MYO5B: variants seen among roughly 807,000 people sequenced by gnomAD.
The protein encoded by MYO5B is unconventional myosin-Vb.
A neutral mutation model predicts 229.3 loss-of-function variants in MYO5B; 143 were observed. That is an observed-to-expected ratio of 0.62 (90% CI 0.54 to 0.72). The LOEUF is 0.72. Among genes scored for constraint, MYO5B ranks in the 30% least tolerant of loss-of-function variants. The pLI is 0.00. For missense variants in MYO5B, 2,321 were observed against 2,331.0 expected, an observed-to-expected ratio of 1.00 and a Z score of 0.09; for synonymous variants, 918 against 885.2, an observed-to-expected ratio of 1.04 and a Z score of -0.66.
intron 17 of MYO5B, among the ~76,000 whole-genome samples, chr18:49,913,717 G>A (rs1385051223): frequency 6.6e-6 from 1 of 152,084 alleles, no homozygotes; most frequent in African/African-American, 2.4e-5. Flanking sequence ...GGGCATTCCT[G>A]TTTTTGCAAC....
intron 4 of MYO5B, among the ~76,000 whole-genome samples, chr18:50,002,619 A>G (rs1401998593): frequency 1.3e-5 from 2 of 152,170 alleles, no homozygotes; most frequent in African/African-American, 4.8e-5. Flanking sequence ...CAGTTTCGGG[A>G]AACGGTTTGT....
At chr18:49,896,458 G>A (rs1168326591) in intron 21 of MYO5B, among the ~76,000 whole-genome samples, 1 of 152,176 alleles carries the variant, frequency 6.6e-6, no homozygotes, top group African/African-American at 2.4e-5. Context: ...GGAGGCTGAG[G>A]GTCTCTGCAC....
At chr18:49,877,473 C>T (rs1158347197) in intron 25 of MYO5B, among the ~76,000 whole-genome samples, 1 of 151,380 alleles carries the variant, frequency 6.6e-6, no homozygotes, top group Non-Finnish European at 1.5e-5. Flanking sequence ...TTTCACCTCT[C>T]TGCATCAGCT....
At chr18:50,194,003 G>A (rs1208518037) in intron 1 of MYO5B, among the ~76,000 whole-genome samples, 1 of 152,170 alleles carries the variant, frequency 6.6e-6, no homozygotes, top group Non-Finnish European at 1.5e-5. Flanking sequence ...AAGGCATCCT[G>A]AAACTCACAC....
At chr18:49,878,594 G>T (rs2024552484) in intron 24 of MYO5B, among the ~76,000 whole-genome samples, 1 of 152,072 alleles carries the variant, frequency 6.6e-6, no homozygotes, top group Non-Finnish European at 1.5e-5. Flanking sequence ...GCCCTTGTGG[G>T]TCTCTCTGCC....
At chr18:50,182,058 G>A (rs1473535986) in intron 1 of MYO5B, among the ~76,000 whole-genome samples, 1 of 152,192 alleles carries the variant, frequency 6.6e-6, no homozygotes, top group African/African-American at 2.4e-5. Flanking sequence ...TTTTGCCAGG[G>A]TGGGCTCTTT....
chr18:50,178,773 G>C (rs557651314), intron 1 of MYO5B, among the ~76,000 whole-genome samples: 17 of 152,276 alleles, frequency 1.1e-4, no homozygotes, highest in African/African-American at 4.1e-4. Flanking sequence ...AATTCAGATG[G>C]ACATCTTCGC....
Position 49,839,074 on chromosome 18 carries a change from G to A in MYO5B, c.4852+70C>T, listed in dbSNP as rs183559995. The A allele has an allele frequency of 8.8e-3, 14,050 of 1,591,628 alleles. 86 individuals carry two copies. Among genetic ancestry groups the A allele is most frequent in the Non-Finnish European group, 0.011 (13,273 of 1,164,114 alleles). On this transcript the variant is annotated intron_variant, in intron 36 of 39. Transcript: ENST00000285039. ...ATATCTGGTTCCCGAAAGGCAGAGGGTGCTGACCACGCCTTCCCCTCATTT... is the reference window on the plus strand; with the variant it reads ...ATATCTGGTTCCCGAAAGGCAGAGGATGCTGACCACGCCTTCCCCTCATTT...
At position 50,149,372 on chromosome 18, in the gene MYO5B, G is replaced by A. The variant is rs112472591; in HGVS notation, c.27+45395C>T. Among the ~76,000 whole-genome samples the A allele has an allele frequency of 4.3e-4, 65 of 149,516 alleles. 1 individual carries two copies. The East Asian group carries it at 0.011, about 25-fold the overall frequency. On this transcript the variant is annotated intron_variant, in intron 1 of 39. Transcript: ENST00000285039. The stretch of plus-strand genomic sequence containing the variant: ...ATGGAACCAAAAAAGAGCCCACATC[G>A]CCAAGTCAATCCTAAGCCAAAAGAA...
chr18:50,087,237 G>C (rs771784009), intron 1 of MYO5B, among the ~76,000 whole-genome samples: 4 of 152,138 alleles, frequency 2.6e-5, no homozygotes, highest in Non-Finnish European at 5.9e-5. Flanking sequence ...CATCTGCTCT[G>C]AGGATTCTAC....
chr18:49,881,266 A>G (rs1358050252), intron 22 of MYO5B, among the ~76,000 whole-genome samples: 1 of 152,180 alleles, frequency 6.6e-6, no homozygotes, highest in African/African-American at 2.4e-5. Flanking sequence ...CCAAAATCTC[A>G]CAATGAACAA....
intron 19 of MYO5B, among the ~76,000 whole-genome samples, chr18:49,905,807 T>A (rs1013141111): frequency 1.3e-5 from 2 of 152,184 alleles, no homozygotes; most frequent in African/African-American, 4.8e-5. Context: ...TAGTGCCTCA[T>A]CAGCCCAGTG....
chr18:49,941,787 A>G (rs1568039869), intron 14 of MYO5B, among the ~76,000 whole-genome samples: 1 of 145,910 alleles, frequency 6.9e-6, no homozygotes, highest in Non-Finnish European at 1.5e-5. Context: ...CATCCCCATC[A>G]AGCTACCAAT....
At chr18:49,878,894 G>T in intron 24 of MYO5B, 51 bp downstream of exon 24, 1 of 1,608,778 alleles carries the variant, frequency 6.2e-7, no homozygotes. Flanking sequence ...GTCAGAAGCT[G>T]GACAGGAGCC....
chr18:50,108,599 T>C (rs1057187018), intron 1 of MYO5B, among the ~76,000 whole-genome samples: 3 of 152,154 alleles, frequency 2.0e-5, no homozygotes, highest in African/African-American at 7.2e-5. Flanking sequence ...GGCTACATGT[T>C]TCACAGAAGC....
chr18:50,025,959 A>G (rs903081429), intron 4 of MYO5B, among the ~76,000 whole-genome samples: 6 of 152,270 alleles, frequency 3.9e-5, no homozygotes, highest in African/African-American at 1.4e-4. Flanking sequence ...GTGACACTGT[A>G]CTATATTATG....
At chr18:50,185,267 A>T (rs2033131552) in intron 1 of MYO5B, among the ~76,000 whole-genome samples, 1 of 151,924 alleles carries the variant, frequency 6.6e-6, no homozygotes, top group African/African-American at 2.4e-5. Flanking sequence ...CATGTGTAAA[A>T]CATTTAGTAT....
chr18:49,975,108 C>T (rs1264312258), intron 9 of MYO5B, among the ~76,000 whole-genome samples: 1 of 152,194 alleles, frequency 6.6e-6, no homozygotes, highest in Non-Finnish European at 1.5e-5. Flanking sequence ...GCATGCAGTG[C>T]TTGACCCACA....
intron 2 of MYO5B, among the ~76,000 whole-genome samples, chr18:50,043,542 A>C (rs1316188799): frequency 8.1e-6 from 1 of 123,952 alleles, no homozygotes; most frequent in Non-Finnish European, 1.6e-5. Context: ...TTTTATATAT[A>C]AATATAAATG....
Sources: allele counts gnomAD v4.1 joint callset (sites outside exome capture counted in the v4.1 genomes callset), GRCh38; gene constraint gnomAD v4.1.1; transcripts MANE v1.5; gene names NCBI Gene and HGNC (gene_info 2026-07-23, HGNC 2026-07-21).